Variants in RNF25 observed in about 807,000 individuals in gnomAD.
RNF25 encodes E3 ubiquitin-protein ligase RNF25.
A neutral mutation model predicts 65.0 loss-of-function variants in RNF25; 32 were observed. The ratio of observed to expected loss-of-function variants is 0.49; its 90% CI spans 0.37 to 0.66. The LOEUF is 0.66. Ranked by LOEUF, RNF25 falls within the 30% of genes least tolerant of loss-of-function variation. RNF25 has a pLI of 0.00. For synonymous variants in RNF25, 207 were observed against 221.2 expected (o/e 0.94, Z 0.57); for missense variants, 493 against 584.8 (o/e 0.84, Z 1.62).
At chr2:218,668,548 A>G (rs1451899288) in intron 2 of RNF25, 57 bp downstream of exon 2, 1 of 1,290,210 alleles carries the variant, frequency 7.8e-7, no homozygotes, top group East Asian at 2.3e-5. Context: ...CAAATTCAGC[A>G]TAGAACCTCT....
At position 218,668,689 on chromosome 2, in the gene RNF25, CAGG is replaced by C; in HGVS notation, c.42-13_42-11del. On this transcript the variant is annotated splice_polypyrimidine_tract_variant and intron_variant, in intron 1 of 9. Coordinates refer to ENST00000295704, the MANE Select transcript of RNF25 (RefSeq NM_022453.3). ...TTCAGAGGGAAGGACCCTAGAGAGA[CAGG>C]AGTAGACTAACTTACCATTACAGCT... 1 of 1,577,238 alleles carries C rather than the reference CAGG, an allele frequency of 6.3e-7. No individual in the cohort carries two copies. Among genetic ancestry groups the C allele is most frequent in the East Asian group, 2.2e-5 (1 of 44,686 alleles).
At chr2:218,667,810 T>C in intron 5 of RNF25, 102 bp downstream of exon 5, 1 of 1,091,384 alleles carries the variant, frequency 9.2e-7, no homozygotes, top group Non-Finnish European at 1.3e-6. Context: ...ACCTAATGAC[T>C]CCAGATCCGT....
In RNF25 at chr2:218,668,129, T is replaced by C; in HGVS notation, c.237A>G (p.Pro79=). 2 of 1,614,200 alleles carry C rather than the reference T, an allele frequency of 1.2e-6. No individual in the cohort carries two copies. The highest frequency in any genetic ancestry group is 3.3e-4 in the Middle Eastern group (2 of 6,060). Residue 79 remains proline (P), a synonymous_variant, in exon 4 of 10, where the codon CCA becomes CCG. Transcript: ENST00000295704. The part of the protein sequence containing the change: ...QVPAEYPHEV[P]QISIRNPRGL... Reference sequence around the variant, plus strand: ...CTCGGGGATTTCGGATAGAGATCTGTGGCACCTCATGGGGATACTAGTGGG... The same window carrying C: ...CTCGGGGATTTCGGATAGAGATCTGCGGCACCTCATGGGGATACTAGTGGG...
Position 218,664,454 on chromosome 2 carries a change from A to G in RNF25, c.883T>C (p.Ser295Pro), listed in dbSNP as rs1260527597. Reference protein sequence around the residue: ...QPPSTLAAELSTSPAVQSTLP... With the variant: ...QPPSTLAAELPTSPAVQSTLP... Reference sequence around the variant, plus strand: ...GTGGATTGGACGGCTGGTGAGGTGGATAGTTCTGCTGCAAGGGTGCTGGGT... The same window carrying G: ...GTGGATTGGACGGCTGGTGAGGTGGGTAGTTCTGCTGCAAGGGTGCTGGGT... The change falls in exon 10 of 10, where the codon TCC (serine) becomes CCC (proline). Residue 295 changes from serine to proline, a missense_variant. Ser to Pro is a moderately conservative substitution (Grantham distance 74, BLOSUM62 -1). Transcript: ENST00000295704. This position sits in a 1 kb window ranked among gnomAD's most constrained non-coding sequence, Gnocchi z 5.1. 1.2e-6 allele frequency: 2 copies of G among 1,614,096 alleles called. No homozygotes were observed. The highest frequency in any genetic ancestry group is 1.7e-6 in the Non-Finnish European group (2 of 1,180,024).
At chr2:218,671,844 G>A (rs1262241597) in intron 1 of RNF25, 86 bp downstream of exon 1, 5 of 1,468,592 alleles carry the variant, frequency 3.4e-6, no homozygotes, top group Non-Finnish European at 2.8e-6. Flanking sequence ...CACCCCACAC[G>A]CCCGCCGTAC....
intron 5 of RNF25, among the ~76,000 whole-genome samples, chr2:218,667,690 T>A (rs1022438834): frequency 1.9e-4 from 29 of 152,164 alleles, no homozygotes; most frequent in African/African-American, 6.8e-4. Flanking sequence ...AGAGGAAAAG[T>A]CATTTTCTGT....
rs1380437792 is a variant in RNF25 at position 218,664,977 on chromosome 2, T to TGGGCTCC, written c.667-105_667-104insGGAGCCC. 2.6e-6 allele frequency: 4 copies of TGGGCTCC among 1,529,368 alleles called. No individual in the cohort carries two copies. Among genetic ancestry groups the TGGGCTCC allele is most frequent in the Non-Finnish European group, 3.5e-6 (4 of 1,127,396 alleles). 94.7% of individuals were successfully genotyped at this position (1,529,368 alleles called of 1,614,324 possible). On this transcript the variant is annotated intron_variant, in intron 8 of 9. Coordinates refer to ENST00000295704, the MANE Select transcript of RNF25 (RefSeq NM_022453.3). This position sits in a 1 kb window ranked among gnomAD's most constrained non-coding sequence, Gnocchi z 5.1. ...AGGAGATCTGCACTGGTTTTGCCCC[T>TGGGCTCC]CAGGTCTGGGCTCCCAGAGTCTTAG...
At chr2:218,670,062 A>G (rs1365334008) in intron 1 of RNF25, among the ~76,000 whole-genome samples, 1 of 152,054 alleles carries the variant, frequency 6.6e-6, no homozygotes, top group East Asian at 1.9e-4. Flanking sequence ...AAAATAAAAA[A>G]TTAACTGGAC....
intron 5 of RNF25, 68 bp from the exon 6 acceptor site, chr2:218,666,298 T>G: frequency 7.7e-7 from 1 of 1,297,276 alleles, no homozygotes; most frequent in Admixed American, 1.9e-5. Context: ...TGTCTACTAC[T>G]CCTAGGAGTG....
In RNF25 at chr2:218,663,936, T is replaced by C. The variant is rs748285566; in HGVS notation, c.*21A>G. ...TGCCTCCCTCCCATCCCCAATTCCC[T>C]GTTCCCCCCACCAAGTCCTGCTAGG... On this transcript the variant is annotated 3_prime_UTR_variant, in exon 10 of 10. Coordinates refer to ENST00000295704, the MANE Select transcript of RNF25 (RefSeq NM_022453.3). The C allele has an allele frequency of 6.3e-6, 9 of 1,423,202 alleles. No individual in the cohort carries two copies. The South Asian group carries it at 1.6e-4, about 25-fold the overall frequency. The allele number at this position is 1,423,202 out of a possible 1,614,324, so 88.2% of individuals were successfully genotyped here.
At chr2:218,665,775 G>A in intron 7 of RNF25, 141 bp downstream of exon 7, 1 of 1,135,168 alleles carries the variant, frequency 8.8e-7, no homozygotes, top group Non-Finnish European at 1.2e-6. Context: ...CTTTATTCTG[G>A]ACAGAGGTAA....
intron 5 of RNF25, 93 bp downstream of exon 5, chr2:218,667,819 G>A (rs1322989757): frequency 1.4e-5 from 17 of 1,188,356 alleles, no homozygotes; most frequent in Admixed American, 6.4e-5. Context: ...CTCCAGATCC[G>A]TTTAAGATTC....
chr2:218,664,860 G>T lies in RNF25; in HGVS notation c.680C>A (p.Pro227His). The change falls in exon 9 of 10, where the codon CCC becomes CAC. Residue 227 changes from proline (P) to histidine (H), a missense_variant. Coordinates refer to ENST00000295704, the MANE Select transcript of RNF25 (RefSeq NM_022453.3). The surrounding 1 kb of genome is among the most constrained non-coding windows in gnomAD (Gnocchi z 5.1). ...TTGCTGGCGCAAGCTCTCTGCACTG[G>T]GCTGGTACAGCTCCTGGAAGGAAGA... ...EPQQPMELYQ[P>H]SAESLRQQEE... 6.2e-7 allele frequency: 1 copy of T among 1,614,180 alleles called. No homozygotes were observed. The highest frequency in any genetic ancestry group is 1.3e-5 in the African/African-American group (1 of 75,038).
In RNF25 at chr2:218,664,592, TAC is replaced by T. The variant is rs1474959303; in HGVS notation, c.802-59_802-58del. On this transcript the variant is annotated intron_variant, in intron 9 of 9. Transcript: ENST00000295704. The surrounding 1 kb of genome is among the most constrained non-coding windows in gnomAD (Gnocchi z 5.1). ...GATGCAGTTCCTCAAGGTGGGGAAC[TAC>T]AGGCCCCTCTCCTACTATCTGGGCT... The T allele has an allele frequency of 1.3e-6, 2 of 1,580,170 alleles. No homozygotes were observed. Among genetic ancestry groups the T allele is most frequent in the African/African-American group, 2.7e-5 (2 of 74,170 alleles).
Position 218,664,449 on chromosome 2 carries a change from G to C in RNF25, c.888C>G (p.Thr296=), listed in dbSNP as rs1939773322. Residue 296 remains threonine, a synonymous_variant, in exon 10 of 10, where the codon ACC becomes ACG. Transcript: ENST00000295704. This position sits in a 1 kb window ranked among gnomAD's most constrained non-coding sequence, Gnocchi z 5.1. ...GCAAAGTGGATTGGACGGCTGGTGA[G>C]GTGGATAGTTCTGCTGCAAGGGTGC... ...PPSTLAAELS[T]SPAVQSTLPP... 1 of 1,614,222 alleles carries C rather than the reference G, an allele frequency of 6.2e-7. No individual in the cohort carries two copies. The highest frequency in any genetic ancestry group is 8.5e-7 in the Non-Finnish European group (1 of 1,180,042).
intron 1 of RNF25, among the ~76,000 whole-genome samples, chr2:218,670,044 C>G (rs571420808): frequency 6.6e-6 from 1 of 151,936 alleles, no homozygotes; most frequent in South Asian, 2.1e-4. Context: ...GAGACACTAT[C>G]TCTACAAAAA....
intron 1 of RNF25, among the ~76,000 whole-genome samples, chr2:218,671,435 G>T (rs576676511): frequency 6.6e-6 from 1 of 152,094 alleles, no homozygotes; most frequent in Admixed American, 6.6e-5. Context: ...GGACTAGAGG[G>T]ACTTTATATG....
rs374087003 is a variant in RNF25 at position 218,664,301 on chromosome 2, G to C, written c.1036C>G (p.Pro346Ala). 1 of 1,611,812 alleles carries C rather than the reference G, an allele frequency of 6.2e-7. No individual in the cohort carries two copies. The highest frequency in any genetic ancestry group is 1.3e-5 in the African/African-American group (1 of 74,884). ...MLDPPKPSRG[P>A]WRQPERRHPK... ...TGCCTCCGTTCGGGCTGTCGCCAGG[G>C]ACCTCGACTGGGCTTGGGGGGATCT... Residue 346 changes from proline to alanine, a missense_variant, in exon 10 of 10, where the codon CCC becomes GCC. By Grantham distance (27) the Pro-to-Ala change is conservative. Around this residue, in one of 3 missense-constraint regions of RNF25, gnomAD observed 351 missense variants for 400.2 expected, o/e 0.88. Transcript: ENST00000295704. This position sits in a 1 kb window ranked among gnomAD's most constrained non-coding sequence, Gnocchi z 5.1.
Position 218,664,073 on chromosome 2 carries a change from G to C in RNF25, c.1264C>G (p.Arg422Gly). 1 of 1,509,794 alleles carries C rather than the reference G, an allele frequency of 6.6e-7. No individual in the cohort carries two copies. The highest frequency in any genetic ancestry group is 8.8e-7 in the Non-Finnish European group (1 of 1,129,958). The allele number at this position is 1,509,794 out of a possible 1,614,324, so 93.5% of individuals were successfully genotyped here. The stretch of plus-strand genomic sequence containing the variant: ...GAACCGGGTGTCCGGCCTTTAGAGC[G>C]CTCCCAGCGAACACAGTCCCGAGTC... ...RRTRDCVRWE[R>G]SKGRTPGSSY... Residue 422 changes from arginine to glycine, a missense_variant, in exon 10 of 10, where the codon CGC becomes GGC. Arg to Gly is a moderately radical substitution (Grantham distance 125). Around this residue, in one of 3 missense-constraint regions of RNF25, gnomAD observed 351 missense variants for 400.2 expected, o/e 0.88. Coordinates refer to ENST00000295704, the MANE Select transcript of RNF25 (RefSeq NM_022453.3). This position sits in a 1 kb window ranked among gnomAD's most constrained non-coding sequence, Gnocchi z 5.1.
Sources: allele counts gnomAD v4.1 joint callset (sites outside exome capture counted in the v4.1 genomes callset), GRCh38; gene constraint gnomAD v4.1.1; regional missense constraint gnomAD v4.1.1; non-coding constraint Gnocchi (gnomAD v3.1); transcripts MANE v1.5; gene names NCBI Gene and HGNC (gene_info 2026-07-23, HGNC 2026-07-21).